Variants in PCGF6 observed in about 807,000 individuals in gnomAD.
PCGF6 encodes the protein polycomb group RING finger protein 6.
Under a neutral mutation model 45.5 loss-of-function variants are expected in PCGF6, and 24 were observed. The observed-to-expected ratio is 0.53, with a 90% CI of 0.38 to 0.74. PCGF6 has a LOEUF of 0.74. Ranked by LOEUF, PCGF6 falls within the 30% of genes least tolerant of loss-of-function variation. The pLI, the probability that PCGF6 is intolerant of heterozygous loss-of-function variation, is 0.00. For synonymous variants in PCGF6, 152 were observed against 162.1 expected (o/e 0.94, Z 0.47); for missense variants, 356 against 443.2 (o/e 0.80, Z 1.77).
At chr10:103,331,399 A>C in intron 7 of PCGF6, among the ~76,000 whole-genome samples, 1 of 152,078 alleles carries the variant, frequency 6.6e-6, no homozygotes, top group Non-Finnish European at 1.5e-5. Flanking sequence ...CTGGGATTAT[A>C]GGTGCCCACC....
At chr10:103,328,999 C>T (rs555848525) in intron 7 of PCGF6, among the ~76,000 whole-genome samples, 72 of 151,660 alleles carry the variant, frequency 4.7e-4, no homozygotes, top group Non-Finnish European at 6.6e-4. Context: ...CCGGCCTCAG[C>T]GTCCCGAAGT....
intron 6 of PCGF6, among the ~76,000 whole-genome samples, chr10:103,343,547 A>G (rs1041087455): frequency 1.5e-4 from 23 of 152,110 alleles, no homozygotes; most frequent in African/African-American, 5.3e-4. Flanking sequence ...GAAGCAATTT[A>G]TAAGTATCTA....
chr10:103,322,202 C>T lies in PCGF6; in HGVS notation c.909+4332G>A, dbSNP rs994510673. On this transcript the variant is annotated intron_variant, in intron 8 of 9. Coordinates refer to ENST00000369847, the MANE Select transcript of PCGF6 (RefSeq NM_001011663.2). ...GAGCCACCTTGCCTGGCCTTCACTT[C>T]ACTTATTTTTATTTTTTTTGAGACA... 2.0e-5 allele frequency among the ~76,000 whole-genome samples: 3 copies of T among 151,936 alleles called. No homozygotes were observed. The East Asian group carries it at 5.9e-4, about 30-fold the overall frequency.
intron 7 of PCGF6, among the ~76,000 whole-genome samples, chr10:103,329,933 C>T (rs1477919381): frequency 5.3e-5 from 8 of 151,888 alleles, no homozygotes; most frequent in African/African-American, 1.9e-4. Context: ...CGCCTGCCAC[C>T]ATGCCCTGCT....
At chr10:103,333,862 C>A in intron 7 of PCGF6, 63 bp downstream of exon 7, 2 of 1,271,324 alleles carry the variant, frequency 1.6e-6, no homozygotes, top group South Asian at 2.9e-5. Context: ...GGTTGCTAAT[C>A]TGACTCGAAT....
chr10:103,316,917 A>G (rs1358365927), intron 8 of PCGF6, among the ~76,000 whole-genome samples: 1 of 152,240 alleles, frequency 6.6e-6, no homozygotes, highest in Non-Finnish European at 1.5e-5. Flanking sequence ...GTATTTCCAA[A>G]GTGACTTGAA....
chr10:103,324,793 A>G (rs993010671), intron 8 of PCGF6, among the ~76,000 whole-genome samples: 1 of 149,734 alleles, frequency 6.7e-6, no homozygotes, highest in African/African-American at 2.5e-5. Flanking sequence ...AAAAAAAAGA[A>G]AATATTACAT....
At chr10:103,335,033 T>C (rs1020713271) in intron 6 of PCGF6, among the ~76,000 whole-genome samples, 2 of 152,138 alleles carry the variant, frequency 1.3e-5, no homozygotes, top group African/African-American at 4.8e-5. Flanking sequence ...CACAATTCCA[T>C]CATCTCCAAA....
chr10:103,341,966 T>A (rs1196017261), intron 6 of PCGF6, among the ~76,000 whole-genome samples: 1 of 151,400 alleles, frequency 6.6e-6, no homozygotes, highest in African/African-American at 2.4e-5. Context: ...TCAGCAGTCT[T>A]TCTCTGTCAC....
intron 6 of PCGF6, among the ~76,000 whole-genome samples, chr10:103,340,784 G>C (rs2093277842): frequency 6.6e-6 from 1 of 151,870 alleles, no homozygotes; most frequent in Non-Finnish European, 1.5e-5. Context: ...GTATTTTTTT[G>C]TAGAGACAGG....
chr10:103,332,607 T>G (rs2093244022), intron 7 of PCGF6, among the ~76,000 whole-genome samples: 1 of 152,132 alleles, frequency 6.6e-6, no homozygotes, highest in Non-Finnish European at 1.5e-5. Context: ...AGTTCTTTCT[T>G]CATGAGGTTT....
At chr10:103,341,530 C>G (rs1482921143) in intron 6 of PCGF6, among the ~76,000 whole-genome samples, 3 of 151,268 alleles carry the variant, frequency 2.0e-5, no homozygotes, top group Non-Finnish European at 4.4e-5. Flanking sequence ...ACCTCCGCCT[C>G]TCGGATTCAA....
intron 8 of PCGF6, among the ~76,000 whole-genome samples, chr10:103,322,681 G>A (rs536620780): frequency 9.9e-5 from 15 of 151,706 alleles, no homozygotes; most frequent in Non-Finnish European, 1.6e-4. Context: ...CAATTTAGCC[G>A]GGCATGGTGG....
At chr10:103,318,730 C>T (rs906609333) in intron 8 of PCGF6, among the ~76,000 whole-genome samples, 9 of 148,972 alleles carry the variant, frequency 6.0e-5, no homozygotes, top group Non-Finnish European at 8.9e-5. Context: ...GGCGACAGAG[C>T]GAGACTCTGT....
chr10:103,343,949 C>CAT (rs1158818337), intron 6 of PCGF6, among the ~76,000 whole-genome samples: 1 of 150,918 alleles, frequency 6.6e-6, no homozygotes, highest in Non-Finnish European at 1.5e-5. Flanking sequence ...ATCTATCTCA[C>CAT]ATATACACAG....
intron 6 of PCGF6, among the ~76,000 whole-genome samples, chr10:103,335,795 G>C (rs571607096): frequency 6.6e-6 from 1 of 152,014 alleles, no homozygotes. Context: ...ATGAAACCCC[G>C]TCTCTCCTAA....
At position 103,337,537 on chromosome 10, in the gene PCGF6, A is replaced by G. The variant is rs75964205; in HGVS notation, c.783-3585T>C. ...CTCTGAGTTAGTCTTCAAAACCTAT[A>G]CTCTTTCAACATACCATACTGTCTG... On this transcript the variant is annotated intron_variant, in intron 6 of 9. Coordinates refer to ENST00000369847, the MANE Select transcript of PCGF6 (RefSeq NM_001011663.2). 4.1e-3 allele frequency among the ~76,000 whole-genome samples: 628 copies of G among 152,066 alleles called. 1 individual carries two copies. Among genetic ancestry groups the G allele is most frequent in the Non-Finnish European group, 5.7e-3 (387 of 67,986 alleles).
intron 4 of PCGF6, 39 bp downstream of exon 4, chr10:103,347,356 G>T (rs1259543722): frequency 6.3e-7 from 1 of 1,585,842 alleles, no homozygotes; most frequent in Non-Finnish European, 8.7e-7. Flanking sequence ...TAGAGTCAGA[G>T]ATTCTGGGAT....
chr10:103,303,968 A>C lies in PCGF6; in HGVS notation c.997-7T>G. 1 of 1,612,644 alleles carries C rather than the reference A, an allele frequency of 6.2e-7. No homozygotes were observed. Among genetic ancestry groups the C allele is most frequent in the Non-Finnish European group, 8.5e-7 (1 of 1,178,862 alleles). On this transcript the variant is annotated splice_region_variant and splice_polypyrimidine_tract_variant and intron_variant, in intron 9 of 9. Transcript: ENST00000369847. ...GAAGGACAAGCAGACCATCCTGAAA[A>C]GGGGAGAAAAAAAGACGATTTTGCA...
Sources: allele counts gnomAD v4.1 joint callset (sites outside exome capture counted in the v4.1 genomes callset), GRCh38; gene constraint gnomAD v4.1.1; transcripts MANE v1.5; gene names NCBI Gene and HGNC (gene_info 2026-07-23, HGNC 2026-07-21).